The following C1orf21 variants were observed in gnomAD, a reference collection of about 807,000 sequenced individuals.
The protein encoded by C1orf21 is chromosome 1 open reading frame 21.
Under a neutral mutation model 18.7 loss-of-function variants are expected in C1orf21, and 3 were observed. That is an observed-to-expected ratio of 0.16 (90% CI 0.07 to 0.42). C1orf21 has a LOEUF of 0.42. Among genes scored for constraint, C1orf21 ranks in the 10% least tolerant of loss-of-function variants. The pLI, the probability that C1orf21 is intolerant of heterozygous loss-of-function variation, is 0.99. For synonymous variants in C1orf21, 41 were observed against 46.4 expected, an observed-to-expected ratio of 0.88 and a Z score of 0.47; for missense variants, 104 against 143.6, an observed-to-expected ratio of 0.72 and a Z score of 1.41.
chr1:184,602,090 T>A (rs551536913), intron 5 of C1orf21, among the ~76,000 whole-genome samples: 1 of 152,324 alleles, frequency 6.6e-6, no homozygotes, highest in African/African-American at 2.4e-5. Flanking sequence ...ATTATTTTTC[T>A]GATCAAGGAG....
At chr1:184,401,216 A>T in intron 1 of C1orf21, among the ~76,000 whole-genome samples, 1 of 150,486 alleles carries the variant, frequency 6.6e-6, no homozygotes, top group African/African-American at 2.4e-5. Flanking sequence ...ATTTTATTTT[A>T]TTTTACTTAT....
intron 1 of C1orf21, among the ~76,000 whole-genome samples, chr1:184,471,584 G>A (rs1657497597): frequency 6.6e-6 from 1 of 151,942 alleles, no homozygotes; most frequent in Non-Finnish European, 1.5e-5. Context: ...TGACAGCTGG[G>A]ACCAGAGCTC....
intron 3 of C1orf21, among the ~76,000 whole-genome samples, chr1:184,509,740 C>T (rs1002010489): frequency 1.3e-5 from 2 of 151,996 alleles, no homozygotes; most frequent in African/African-American, 4.8e-5. Flanking sequence ...TCGAGAAGTT[C>T]TTGATACTTA....
chr1:184,477,327 T>C (rs1657585314), intron 1 of C1orf21, 59 bp from the exon 2 acceptor site: 2 of 577,052 alleles, frequency 3.5e-6, no homozygotes, highest in Non-Finnish European at 6.2e-6. Context: ...ACCAACATAG[T>C]GAGGCTTGTG....
At chr1:184,532,730 A>C (rs1463912677) in intron 3 of C1orf21, among the ~76,000 whole-genome samples, 1 of 152,146 alleles carries the variant, frequency 6.6e-6, no homozygotes, top group African/African-American at 2.4e-5. Flanking sequence ...CTAAGCAACA[A>C]ATCAAGAACT....
chr1:184,444,543 C>T (rs1656999550), intron 1 of C1orf21, among the ~76,000 whole-genome samples: 1 of 152,090 alleles, frequency 6.6e-6, no homozygotes, highest in African/African-American at 2.4e-5. Flanking sequence ...CCAATTAAAC[C>T]TCTTTTTCTT....
At chr1:184,452,894 G>C (rs1221157828) in intron 1 of C1orf21, among the ~76,000 whole-genome samples, 1 of 151,978 alleles carries the variant, frequency 6.6e-6, no homozygotes, top group Non-Finnish European at 1.5e-5. Flanking sequence ...TAGTAGCTTT[G>C]TTTCATCTCT....
chr1:184,470,394 G>A (rs893625269), intron 1 of C1orf21, among the ~76,000 whole-genome samples: 2 of 152,180 alleles, frequency 1.3e-5, no homozygotes, highest in Admixed American at 6.5e-5. Context: ...AACAGGTGCT[G>A]CTATTATTAA....
intron 1 of C1orf21, among the ~76,000 whole-genome samples, chr1:184,403,951 A>G (rs1463180939): frequency 6.6e-6 from 1 of 152,214 alleles, no homozygotes; most frequent in Non-Finnish European, 1.5e-5. Context: ...GCAAAATATC[A>G]TCATAGTCAA....
At chr1:184,514,181 A>G (rs1658191292) in intron 3 of C1orf21, among the ~76,000 whole-genome samples, 1 of 152,132 alleles carries the variant, frequency 6.6e-6, no homozygotes, top group Admixed American at 6.5e-5. Flanking sequence ...GGTGCATGCC[A>G]ATAGTCCCAG....
intron 4 of C1orf21, among the ~76,000 whole-genome samples, chr1:184,594,367 T>C (rs1659485482): frequency 6.6e-6 from 1 of 151,662 alleles, no homozygotes; most frequent in Non-Finnish European, 1.5e-5. Flanking sequence ...GCCTGAGAGT[T>C]AAGTTGACAT....
At chr1:184,566,444 C>T (rs1210203833) in intron 3 of C1orf21, 3 of 216,570 alleles carry the variant, frequency 1.4e-5, no homozygotes, top group East Asian at 1.3e-4. Context: ...CAGTCCAGAG[C>T]GCGCCATATA....
At position 184,546,677 on chromosome 1, in the gene C1orf21, T is replaced by C. The variant is rs145724354; in HGVS notation, c.189+38995T>C. On this transcript the variant is annotated intron_variant, in intron 3 of 5. Transcript: ENST00000235307. ...GCAGGGAGATTTATAGGGTCAATGA[T>C]ATGATATGCATGCCTTTGTGCACAT... Among the ~76,000 whole-genome samples the C allele has an allele frequency of 7.5e-3, 1,149 of 152,298 alleles. 6 individuals are homozygous for C. The highest frequency in any genetic ancestry group is 0.02 in the Middle Eastern group (6 of 294).
chr1:184,566,002 G>A (rs892717103), intron 3 of C1orf21, among the ~76,000 whole-genome samples: 10 of 152,102 alleles, frequency 6.6e-5, no homozygotes, highest in African/African-American at 2.4e-4. Context: ...AAGGGGAGGG[G>A]AAGCTTAGGG....
intron 1 of C1orf21, among the ~76,000 whole-genome samples, chr1:184,474,021 A>T (rs187359326): frequency 6.6e-6 from 1 of 152,204 alleles, no homozygotes; most frequent in Non-Finnish European, 1.5e-5. Context: ...GCAGAATCCA[A>T]ATGACATAGT....
chr1:184,615,910 T>A (rs1242483408), intron 5 of C1orf21, among the ~76,000 whole-genome samples: 1 of 152,250 alleles, frequency 6.6e-6, no homozygotes, highest in Non-Finnish European at 1.5e-5. Context: ...ATATGTATCA[T>A]ACCCAAGAGT....
chr1:184,584,252 T>C (rs1335496595), intron 3 of C1orf21, among the ~76,000 whole-genome samples: 1 of 151,876 alleles, frequency 6.6e-6, no homozygotes, highest in Non-Finnish European at 1.5e-5. Flanking sequence ...GACTTCTTTA[T>C]GCAAATGCGC....
At chr1:184,526,503 T>C (rs1273978611) in intron 3 of C1orf21, among the ~76,000 whole-genome samples, 1 of 152,170 alleles carries the variant, frequency 6.6e-6, no homozygotes, top group African/African-American at 2.4e-5. Flanking sequence ...TGGCAGGTAA[T>C]ACAAATATAA....
intron 1 of C1orf21, among the ~76,000 whole-genome samples, chr1:184,421,905 G>A (rs543342768): frequency 3.9e-4 from 60 of 152,236 alleles, no homozygotes; most frequent in African/African-American, 1.4e-3. Context: ...TATAAAGTCC[G>A]CTTCCCCATG....
Sources: allele counts gnomAD v4.1 joint callset (sites outside exome capture counted in the v4.1 genomes callset), GRCh38; gene constraint gnomAD v4.1.1; transcripts MANE v1.5; gene names NCBI Gene and HGNC (gene_info 2026-07-23, HGNC 2026-07-21).